UTRN: variants seen among roughly 807,000 people sequenced by gnomAD.
UTRN encodes the protein dystrophin-related protein 1.
UTRN carries 283 observed loss-of-function variants against 463.9 expected under a neutral mutation model. The ratio of observed to expected loss-of-function variants is 0.61; its 90% CI spans 0.55 to 0.67. The LOEUF is 0.67. Ranked by LOEUF, UTRN falls within the 30% of genes least tolerant of loss-of-function variation. The pLI is 0.00. For missense variants in UTRN, 3,922 were observed against 4,084.3 expected, an observed-to-expected ratio of 0.96 and a Z score of 1.08; for synonymous variants, 1,442 against 1,431.5, an observed-to-expected ratio of 1.01 and a Z score of -0.17.
intron 51 of UTRN, among the ~76,000 whole-genome samples, chr6:144,636,655 G>A (rs1777208496): frequency 6.6e-6 from 1 of 152,150 alleles, no homozygotes; most frequent in Admixed American, 6.5e-5. Flanking sequence ...CATATTTCCA[G>A]ACATTTTAAT....
At position 144,296,187 on chromosome 6, in the gene UTRN, G is replaced by A. The variant is rs564101576; in HGVS notation, c.79+4280G>A. Reference sequence around the variant, plus strand: ...GTCCGTTGCCTGTTAGGGACCAGGTGGCACAGCAGGAGGTGAGTGGTGGCT... The same window carrying A: ...GTCCGTTGCCTGTTAGGGACCAGGTAGCACAGCAGGAGGTGAGTGGTGGCT... On this transcript the variant is annotated intron_variant, in intron 2 of 74. Transcript: ENST00000367545. 2.7e-3 allele frequency among the ~76,000 whole-genome samples: 412 copies of A among 152,310 alleles called. 4 individuals carry two copies. The highest frequency in any genetic ancestry group is 9.0e-3 in the African/African-American group (374 of 41,572).
At chr6:144,435,145 A>G (rs1327046732) in intron 9 of UTRN, among the ~76,000 whole-genome samples, 2 of 152,188 alleles carry the variant, frequency 1.3e-5, no homozygotes, top group Non-Finnish European at 2.9e-5. Flanking sequence ...ATTGTTCTCT[A>G]TACGTTTCTG....
At chr6:144,372,503 AT>A (rs370323517) in intron 2 of UTRN, among the ~76,000 whole-genome samples, 1 of 150,918 alleles carries the variant, frequency 6.6e-6, no homozygotes, top group East Asian at 1.9e-4. Context: ...TTTTTATTTT[AT>A]TTTTTTTTGA....
intron 2 of UTRN, among the ~76,000 whole-genome samples, chr6:144,366,626 C>A (rs1779529272): frequency 6.6e-6 from 1 of 152,162 alleles, no homozygotes; most frequent in African/African-American, 2.4e-5. Context: ...ATATGTAACA[C>A]ATTTTCTTTA....
chr6:144,417,424 A>T (rs193038902), intron 3 of UTRN, among the ~76,000 whole-genome samples: 1 of 152,316 alleles, frequency 6.6e-6, no homozygotes, highest in East Asian at 1.9e-4. Flanking sequence ...CGCCTGTAGA[A>T]TGAAGAAGAT....
At chr6:144,770,851 T>C (rs1236516823) in intron 58 of UTRN, among the ~76,000 whole-genome samples, 1 of 152,152 alleles carries the variant, frequency 6.6e-6, no homozygotes, top group Non-Finnish European at 1.5e-5. Context: ...AAGAGACACT[T>C]GCCTGAGGGG....
At chr6:144,311,950 C>T (rs1806302595) in intron 2 of UTRN, 1 of 152,124 alleles carries the variant, frequency 6.6e-6, no homozygotes, top group Non-Finnish European at 1.5e-5. Flanking sequence ...TATTAGTACT[C>T]TTCTGTAGAA....
In UTRN at chr6:144,751,866, A is replaced by C; in HGVS notation, c.8269A>C (p.Ser2757Arg). ...FKVKTVNDLS[S>R]QLSPLDLHPS... Reference sequence around the variant, plus strand: ...AGTTAAAACGGTGAATGATTTATCCAGTCAGCTGTCTCCACTTGACCTGCA... The same window carrying C: ...AGTTAAAACGGTGAATGATTTATCCCGTCAGCTGTCTCCACTTGACCTGCA... Residue 2757 changes from serine (S) to arginine (R), a missense_variant, in exon 56 of 75, where the codon AGT becomes CGT. Physicochemically the swap from Ser to Arg is moderately radical, Grantham distance 110 (BLOSUM62 -1). Around this residue, in one of 3 missense-constraint regions of UTRN, gnomAD observed 1,309 missense variants for 1,452.6 expected, o/e 0.90. Transcript: ENST00000367545. 2 of 1,612,568 alleles carry C rather than the reference A, an allele frequency of 1.2e-6. No homozygotes were observed. The highest frequency in any genetic ancestry group is 1.7e-6 in the Non-Finnish European group (2 of 1,179,272).
rs1208478674 is a variant in UTRN at position 144,516,918 on chromosome 6, A to G, written c.5511A>G (p.Leu1837=). 4 of 1,489,484 alleles carry G rather than the reference A, an allele frequency of 2.7e-6. No homozygotes were observed. The highest frequency in any genetic ancestry group is 3.6e-6 in the Non-Finnish European group (4 of 1,123,528). 92.3% of individuals were successfully genotyped at this position (1,489,484 alleles called of 1,614,324 possible). The change falls in exon 39 of 75, where the codon TTA becomes TTG. Residue 1837 remains leucine, a synonymous_variant. Coordinates refer to ENST00000367545, the MANE Select transcript of UTRN (RefSeq NM_007124.3). ...NKKEKIRLQL[L]LLHTRYNKIK... ...AAGAAAAGATCCGTTTGCAATTATT[A>G]CTTTTGCATACTAGATACAACAAAA...
intron 2 of UTRN, among the ~76,000 whole-genome samples, chr6:144,309,084 C>T (rs1340379007): frequency 6.6e-6 from 1 of 152,170 alleles, no homozygotes; most frequent in Non-Finnish European, 1.5e-5. Context: ...ATAGCATCAA[C>T]ACTGCTGATC....
intron 17 of UTRN, among the ~76,000 whole-genome samples, chr6:144,450,132 G>A (rs1213920333): frequency 6.6e-6 from 1 of 152,094 alleles, no homozygotes; most frequent in Non-Finnish European, 1.5e-5. Context: ...GACTCCCGTT[G>A]CTTTCACAGC....
At chr6:144,799,639 T>G (rs994074995) in intron 64 of UTRN, among the ~76,000 whole-genome samples, 6 of 152,226 alleles carry the variant, frequency 3.9e-5, no homozygotes, top group African/African-American at 1.2e-4. Context: ...TAATAATCAC[T>G]GCTATTTATT....
intron 2 of UTRN, among the ~76,000 whole-genome samples, chr6:144,369,756 G>A (rs938629181): frequency 3.9e-5 from 6 of 152,206 alleles, no homozygotes; most frequent in African/African-American, 1.4e-4. Context: ...GGAAACTGGT[G>A]GGAGGTAATT....
chr6:144,576,285 C>T (rs1425319230), intron 50 of UTRN, among the ~76,000 whole-genome samples: 1 of 151,986 alleles, frequency 6.6e-6, no homozygotes, highest in Admixed American at 6.6e-5. Context: ...GTGAAATTAT[C>T]GATACTAATT....
At chr6:144,819,624 C>CA (rs1779384795) in intron 65 of UTRN, among the ~76,000 whole-genome samples, 1 of 152,006 alleles carries the variant, frequency 6.6e-6, no homozygotes, top group Non-Finnish European at 1.5e-5. Context: ...ACTTGGGAGG[C>CA]AGAGGTTGCA....
chr6:144,625,617 T>C (rs1344732501), intron 51 of UTRN, among the ~76,000 whole-genome samples: 1 of 152,258 alleles, frequency 6.6e-6, no homozygotes, highest in East Asian at 1.9e-4. Flanking sequence ...ATTGGTGCCA[T>C]GTTCAGTGAG....
chr6:144,360,108 TC>T (rs1170559362), intron 2 of UTRN, among the ~76,000 whole-genome samples: 1 of 70,020 alleles, frequency 1.4e-5, no homozygotes, highest in Non-Finnish European at 2.3e-5. Context: ...TCCCCTCCCC[TC>T]CCCCCTTCCT....
chr6:144,515,085 A>G (rs1308326457), intron 37 of UTRN, among the ~76,000 whole-genome samples: 1 of 152,026 alleles, frequency 6.6e-6, no homozygotes, highest in African/African-American at 2.4e-5. Context: ...TGTTTTTTTT[A>G]GGAGAGATAG....
chr6:144,408,694 T>C (rs537377919), intron 3 of UTRN, among the ~76,000 whole-genome samples: 6 of 152,232 alleles, frequency 3.9e-5, no homozygotes, highest in African/African-American at 1.4e-4. Flanking sequence ...TATGGAGAGC[T>C]ATTAAGATGT....
Sources: gnomAD v4.1 joint callset for allele counts (sites outside exome capture counted in the v4.1 genomes callset) on GRCh38, gnomAD v4.1.1 for gene constraint, gnomAD v4.1.1 regional missense constraint, MANE v1.5 for transcripts, NCBI Gene and HGNC (gene_info 2026-07-23, HGNC 2026-07-21) for gene names.